The following PLS1 variants were observed in gnomAD, a reference collection of about 807,000 sequenced individuals.
PLS1 encodes plastin-1.
PLS1 carries 32 observed loss-of-function variants against 73.7 expected under a neutral mutation model. The observed-to-expected ratio is 0.43, with a 90% CI of 0.33 to 0.58. The LOEUF is 0.58. Ranked by LOEUF, PLS1 falls within the 20% of genes least tolerant of loss-of-function variation. The pLI, the probability that PLS1 is intolerant of heterozygous loss-of-function variation, is 0.04. For synonymous variants in PLS1, 217 were observed against 261.3 expected, an observed-to-expected ratio of 0.83 and a Z score of 1.63; for missense variants, 633 against 740.5, an observed-to-expected ratio of 0.85 and a Z score of 1.68.
intron 6 of PLS1, among the ~76,000 whole-genome samples, chr3:142,682,664 A>G (rs2107884620): frequency 6.6e-6 from 1 of 152,358 alleles, no homozygotes; most frequent in South Asian, 2.1e-4. Context: ...TGGAGCAAAC[A>G]TCATTTATGC....
rs538109075 is a variant in PLS1 at position 142,701,900 on chromosome 3, TC to T, written c.1372-1967del. 7.9e-5 allele frequency among the ~76,000 whole-genome samples: 12 copies of T among 152,370 alleles called. No homozygotes were observed. The South Asian group carries it at 2.3e-3, about 29-fold the overall frequency. The stretch of plus-strand genomic sequence containing the variant: ...TCTCCTGTACACAGTGTTAAATAAT[TC>T]AAGTGCTAATGTTATTTTCCATAAA... On this transcript the variant is annotated intron_variant, in intron 12 of 15. Transcript: ENST00000457734.
chr3:142,669,614 G>A, intron 3 of PLS1, 61 bp downstream of exon 3: 2 of 1,140,376 alleles, frequency 1.8e-6, no homozygotes, highest in South Asian at 3.6e-5. Context: ...TTGTAGTAAT[G>A]TCATCACTAG....
intron 1 of PLS1, among the ~76,000 whole-genome samples, chr3:142,648,537 G>A (rs1032131464): frequency 2.0e-5 from 3 of 152,186 alleles, no homozygotes; most frequent in African/African-American, 7.2e-5. Flanking sequence ...GGCAGCTTGT[G>A]TGATTATGAG....
Position 142,676,241 on chromosome 3 carries a change from C to A in PLS1, c.449C>A (p.Pro150His), listed in dbSNP as rs1298130280. Residue 150 changes from proline (P) to histidine (H), a missense_variant, in exon 5 of 16, where the codon CCC (proline) becomes CAC (histidine). Pro to His is a moderately conservative substitution (Grantham distance 77, BLOSUM62 -2). Coordinates refer to ENST00000457734, the MANE Select transcript of PLS1 (RefSeq NM_001145319.2). ...TGTAAGCATCTTATACCCATGAATC[C>A]CAATGATGATAGTCTTTTCAAGTCA... is the stretch of plus-strand genomic sequence containing the variant. ...PDCKHLIPMN[P>H]NDDSLFKSLA... is the part of the protein sequence containing the mutation. 1.2e-6 allele frequency: 2 copies of A among 1,613,154 alleles called. No individual in the cohort carries two copies. The highest frequency in any genetic ancestry group is 1.7e-6 in the Non-Finnish European group (2 of 1,179,292).
In PLS1 at chr3:142,690,109, A is replaced by G. The variant is rs141224993; in HGVS notation, c.1177+296A>G. Among the ~76,000 whole-genome samples, 227 of 152,300 alleles carry G rather than the reference A, an allele frequency of 1.5e-3. 1 individual carries two copies. The highest frequency in any genetic ancestry group is 5.3e-3 in the African/African-American group (222 of 41,562). Reference sequence around the variant, plus strand: ...CACCAACATGGACAATGAATTATCTATTAGAATAAAATAATTATTTGTAGG... The same window carrying G: ...CACCAACATGGACAATGAATTATCTGTTAGAATAAAATAATTATTTGTAGG... On this transcript the variant is annotated intron_variant, in intron 10 of 15. Transcript: ENST00000457734.
chr3:142,675,624 A>T (rs2037705004), intron 4 of PLS1, among the ~76,000 whole-genome samples: 1 of 151,428 alleles, frequency 6.6e-6, no homozygotes, highest in Non-Finnish European at 1.5e-5. Context: ...TGACCTCGTG[A>T]TCTGCCCGTC....
rs758882926 is a variant in PLS1, at chr3:142,689,766, G to T, written c.1130G>T (p.Cys377Phe). 1.2e-6 allele frequency: 2 copies of T among 1,602,154 alleles called. No homozygotes were observed. The highest frequency in any genetic ancestry group is 2.3e-5 in the East Asian group (1 of 44,390). The change falls in exon 10 of 16, where the codon TGC becomes TTC. Residue 377 changes from cysteine (C) to phenylalanine (F), a missense_variant. Coordinates refer to ENST00000457734, the MANE Select transcript of PLS1 (RefSeq NM_001145319.2). ...GCTAATTTGTTTAACACATACCCGT[G>T]CCTGCACAAGCCGAATAATAATGAC... ...FVANLFNTYP[C>F]LHKPNNNDID...
intron 1 of PLS1, among the ~76,000 whole-genome samples, chr3:142,616,436 T>C (rs188183931): frequency 1.3e-5 from 2 of 152,266 alleles, no homozygotes; most frequent in African/African-American, 2.4e-5. Flanking sequence ...TAATCACTTA[T>C]TTTACTATAT....
chr3:142,620,390 G>C (rs2036293143), intron 1 of PLS1, among the ~76,000 whole-genome samples: 1 of 152,170 alleles, frequency 6.6e-6, no homozygotes, highest in Non-Finnish European at 1.5e-5. Flanking sequence ...GCCTCCCAAA[G>C]TGTTGGGGTT....
chr3:142,706,290 T>C (rs1275385081), intron 14 of PLS1, among the ~76,000 whole-genome samples: 2 of 152,116 alleles, frequency 1.3e-5, no homozygotes, highest in Non-Finnish European at 2.9e-5. Flanking sequence ...ATCCAAGTAA[T>C]GCAACTAATA....
chr3:142,672,312 T>TA (rs1169072566), intron 4 of PLS1, among the ~76,000 whole-genome samples: 2 of 151,612 alleles, frequency 1.3e-5, no homozygotes, highest in Non-Finnish European at 2.9e-5. Context: ...AGGTATAAGA[T>TA]ACTTGTAGTA....
intron 13 of PLS1, 130 bp from the exon 14 acceptor site, chr3:142,704,332 TG>T: frequency 1.3e-6 from 1 of 744,006 alleles, no homozygotes. Context: ...TGGGTGCAAA[TG>T]CCAGACTAAA....
chr3:142,691,588 T>C (rs768161629), intron 10 of PLS1, among the ~76,000 whole-genome samples: 1 of 152,200 alleles, frequency 6.6e-6, no homozygotes. Flanking sequence ...TCAGTGTGAA[T>C]AGGATTGCTA....
At chr3:142,650,107 A>G (rs2037050311) in intron 1 of PLS1, among the ~76,000 whole-genome samples, 1 of 152,138 alleles carries the variant, frequency 6.6e-6, no homozygotes, top group Non-Finnish European at 1.5e-5. Flanking sequence ...AAAGAAAGAA[A>G]AAAACCACAG....
chr3:142,694,622 A>G lies in PLS1; in HGVS notation c.1256+75A>G, dbSNP rs551035232. 8.1e-4 allele frequency: 648 copies of G among 804,260 alleles called. 7 individuals are homozygous for G. The South Asian group carries it at 0.011, about 14-fold the overall frequency. The allele number at this position is 804,260 out of a possible 1,614,324, so 49.8% of individuals were successfully genotyped here. ...AGTTTCAAACTGTAGGCATGTTTAAATGGAACATTTTCTCAAGTTGCAAGA... is the reference window on the plus strand; with the variant it reads ...AGTTTCAAACTGTAGGCATGTTTAAGTGGAACATTTTCTCAAGTTGCAAGA... On this transcript the variant is annotated intron_variant, in intron 11 of 15. Coordinates refer to ENST00000457734, the MANE Select transcript of PLS1 (RefSeq NM_001145319.2).
intron 1 of PLS1, chr3:142,597,219 TG>T (rs2035830123): frequency 6.6e-6 from 1 of 152,182 alleles, no homozygotes; most frequent in South Asian, 2.1e-4. Flanking sequence ...GCTTATACCG[TG>T]ATATCTTTCC....
chr3:142,650,255 G>C (rs560053764), intron 1 of PLS1, among the ~76,000 whole-genome samples: 1 of 112,108 alleles, frequency 8.9e-6, no homozygotes, highest in South Asian at 2.9e-4. Flanking sequence ...GTCTCGCTCT[G>C]TCACCCAAGC....
intron 2 of PLS1, 117 bp from the exon 3 acceptor site, chr3:142,669,273 C>T (rs975315923): frequency 3.5e-6 from 2 of 572,502 alleles, no homozygotes; most frequent in Non-Finnish European, 6.0e-6. Context: ...GTTACTGCCA[C>T]CTGTGAAACA....
intron 1 of PLS1, among the ~76,000 whole-genome samples, chr3:142,633,869 A>G (rs998807140): frequency 2.6e-5 from 4 of 152,220 alleles, no homozygotes; most frequent in African/African-American, 9.6e-5. Flanking sequence ...AAATCTGTCA[A>G]TCAAAACTGA....
Sources: gnomAD v4.1 joint callset for allele counts (sites outside exome capture counted in the v4.1 genomes callset) on GRCh38, gnomAD v4.1.1 for gene constraint, MANE v1.5 for transcripts, NCBI Gene and HGNC (gene_info 2026-07-23, HGNC 2026-07-21) for gene names.